HS3ST4: variants seen among roughly 807,000 people sequenced by gnomAD.
HS3ST4 encodes heparan sulfate-glucosamine 3-sulfotransferase 4, also known as heparan sulfate glucosamine 3-O-sulfotransferase 4.
In HS3ST4, 17 loss-of-function variants were observed where a neutral mutation model predicts 29.2. The observed-to-expected ratio is 0.58, with a 90% CI of 0.40 to 0.87. The LOEUF (loss-of-function observed/expected upper bound fraction) is 0.87. HS3ST4 is among the 40% of genes least tolerant of loss of function. The pLI is 0.00. For missense variants in HS3ST4, 627 were observed against 634.5 expected (o/e 0.99, Z 0.13); for synonymous variants, 314 against 285.7 (o/e 1.10, Z -1.00).
chr16:25,751,602 A>G (rs1186594844), intron 1 of HS3ST4, among the ~76,000 whole-genome samples: 3 of 152,194 alleles, frequency 2.0e-5, no homozygotes, highest in Non-Finnish European at 4.4e-5. Context: ...ATGTAGCTGA[A>G]TAGTGCTAAC....
intron 1 of HS3ST4, among the ~76,000 whole-genome samples, chr16:25,843,721 T>A (rs1159253687): frequency 6.6e-6 from 1 of 152,186 alleles, no homozygotes; most frequent in African/African-American, 2.4e-5. Context: ...TAATCAGCTC[T>A]AATCTTTCAA....
intron 1 of HS3ST4, among the ~76,000 whole-genome samples, chr16:25,848,996 T>C (rs1413263328): frequency 1.3e-5 from 2 of 152,176 alleles, no homozygotes; most frequent in East Asian, 3.8e-4. Context: ...GGTTGTAATT[T>C]CGGTTTTGAA....
At chr16:26,078,005 G>A (rs912857103) in intron 1 of HS3ST4, among the ~76,000 whole-genome samples, 12 of 152,200 alleles carry the variant, frequency 7.9e-5, no homozygotes, top group African/African-American at 2.7e-4. Flanking sequence ...AGTTGAGGAT[G>A]CAGTGAGCTA....
chr16:25,889,475 A>G (rs934590000), intron 1 of HS3ST4, among the ~76,000 whole-genome samples: 6 of 152,208 alleles, frequency 3.9e-5, no homozygotes, highest in African/African-American at 1.4e-4. Context: ...TTTAGACACA[A>G]TCAATAAGCA....
chr16:26,113,284 A>C (rs995209098), intron 1 of HS3ST4, among the ~76,000 whole-genome samples: 2 of 152,042 alleles, frequency 1.3e-5, no homozygotes, highest in African/African-American at 4.8e-5. Context: ...GTCTCTACTA[A>C]AAATACCAAA....
chr16:25,883,177 A>G (rs1360197618), intron 1 of HS3ST4, among the ~76,000 whole-genome samples: 1 of 142,678 alleles, frequency 7.0e-6, no homozygotes, highest in South Asian at 2.2e-4. Context: ...TCAGACAAAA[A>G]TCTCATTCTC....
intron 1 of HS3ST4, among the ~76,000 whole-genome samples, chr16:26,013,691 A>T (rs1050740741): frequency 7.9e-5 from 12 of 152,102 alleles, no homozygotes; most frequent in Non-Finnish European, 7.4e-5. Context: ...TCTCAGAGAG[A>T]TGTTCTCAAA....
chr16:25,965,573 A>G (rs1233252539), intron 1 of HS3ST4, among the ~76,000 whole-genome samples: 1 of 151,590 alleles, frequency 6.6e-6, no homozygotes, highest in East Asian at 1.9e-4. Flanking sequence ...TGGGTAATGG[A>G]CTCTTCTGCC....
intron 1 of HS3ST4, among the ~76,000 whole-genome samples, chr16:26,022,594 GCTGTACAGA>G (rs767567652): frequency 2.0e-5 from 3 of 152,088 alleles, no homozygotes; most frequent in Non-Finnish European, 4.4e-5. Flanking sequence ...GTATTTACAG[GCTGTACAGA>G]CAGGCAGCAG....
chr16:26,126,724 G>A (rs1282512322), intron 1 of HS3ST4, among the ~76,000 whole-genome samples: 1 of 152,210 alleles, frequency 6.6e-6, no homozygotes, highest in Non-Finnish European at 1.5e-5. Context: ...ACTGGTGGGT[G>A]CCATGGCATC....
intron 1 of HS3ST4, among the ~76,000 whole-genome samples, chr16:26,113,129 G>T (rs570905776): frequency 1.3e-5 from 2 of 152,276 alleles, no homozygotes; most frequent in Admixed American, 1.3e-4. Flanking sequence ...GGGCACACAA[G>T]AATTGATTTT....
At chr16:25,915,387 A>C (rs1968282650) in intron 1 of HS3ST4, among the ~76,000 whole-genome samples, 1 of 152,156 alleles carries the variant, frequency 6.6e-6, no homozygotes, top group South Asian at 2.1e-4. Flanking sequence ...AAAACTAATA[A>C]AATTATTTGC....
chr16:26,049,380 TACATCCGGAGGTCTACATCCGGAG>T (rs1320234012), intron 1 of HS3ST4, among the ~76,000 whole-genome samples: 7 of 149,834 alleles, frequency 4.7e-5, no homozygotes, highest in African/African-American at 1.7e-4. Context: ...TCCGGAGGTC[TACATCCGGAGGTCTACATCCGGAG>T]AATGATGTGG....
chr16:26,024,451 G>C (rs574423421), intron 1 of HS3ST4, among the ~76,000 whole-genome samples: 1 of 152,190 alleles, frequency 6.6e-6, no homozygotes, highest in African/African-American at 2.4e-5. Flanking sequence ...AAGTCTCAGG[G>C]CTGGGCGCAG....
At chr16:26,051,806 T>C (rs1898348839) in intron 1 of HS3ST4, among the ~76,000 whole-genome samples, 3 of 150,582 alleles carry the variant, frequency 2.0e-5, no homozygotes, top group Non-Finnish European at 3.0e-5. Flanking sequence ...CTTTTTCCTC[T>C]CTCCCTTTCT....
intron 1 of HS3ST4, among the ~76,000 whole-genome samples, chr16:26,008,834 C>T (rs1404527207): frequency 6.6e-6 from 1 of 152,074 alleles, no homozygotes; most frequent in Non-Finnish European, 1.5e-5. Flanking sequence ...AAAAACAAAA[C>T]AAAACCCAAG....
Position 25,692,714 on chromosome 16 carries a change from G to A in HS3ST4, c.297G>A (p.Ala99=), listed in dbSNP as rs1350248846. ...TCGGCGCCCCCTCGCAGCCGCCCGCGCCGCCGCCGCTGGACAACGCGAGCC... is the reference window on the plus strand; with the variant it reads ...TCGGCGCCCCCTCGCAGCCGCCCGCACCGCCGCCGCTGGACAACGCGAGCC... ...VRLGAPSQPP[A]PPPLDNASHG... The change falls in exon 1 of 2, where the codon GCG becomes GCA. Residue 99 remains alanine (A), a synonymous_variant. Coordinates refer to ENST00000331351, the MANE Select transcript of HS3ST4 (RefSeq NM_006040.3). 1.6e-6 allele frequency: 2 copies of A among 1,232,900 alleles called. No individual in the cohort carries two copies. The highest frequency in any genetic ancestry group is 3.5e-5 in the South Asian group (1 of 28,896). The allele number at this position is 1,232,900 out of a possible 1,614,324, so 76.4% of individuals were successfully genotyped here. A position where few individuals can be genotyped will look rare whatever the true frequency, so the allele number is the denominator to read the frequency against.
chr16:25,759,586 A>T (rs569478351), intron 1 of HS3ST4, among the ~76,000 whole-genome samples: 4 of 152,112 alleles, frequency 2.6e-5, no homozygotes, highest in Non-Finnish European at 4.4e-5. Context: ...GAGCCGAAGG[A>T]TGGAGTTCCG....
intron 1 of HS3ST4, among the ~76,000 whole-genome samples, chr16:25,755,486 C>T (rs1966751771): frequency 6.6e-6 from 1 of 152,112 alleles, no homozygotes. Context: ...GGGTGAATGG[C>T]TGACACAGGG....
Sources: gnomAD v4.1 joint callset for allele counts (sites outside exome capture counted in the v4.1 genomes callset) on GRCh38, gnomAD v4.1.1 for gene constraint, MANE v1.5 for transcripts, NCBI Gene and HGNC (gene_info 2026-07-23, HGNC 2026-07-21) for gene names.